Variants in ITPKB observed in about 807,000 individuals in gnomAD.
ITPKB encodes IP3 3-kinase B.
ITPKB carries 13 observed loss-of-function variants against 69.4 expected under a neutral mutation model. The observed-to-expected ratio is 0.19, with a 90% CI of 0.12 to 0.30. The LOEUF (loss-of-function observed/expected upper bound fraction) is 0.30, where lower values mean the gene tolerates loss of function less well. Among genes scored for constraint, ITPKB ranks in the 10% least tolerant of loss-of-function variants. The pLI, the probability that ITPKB is intolerant of heterozygous loss-of-function variation, is 1.00. For missense variants in ITPKB, 1,240 were observed against 1,250.5 expected (o/e 0.99, Z 0.13); for synonymous variants, 584 against 513.7 (o/e 1.14, Z -1.85).
At chr1:226,678,294 A>G (rs932021315) in intron 2 of ITPKB, among the ~76,000 whole-genome samples, 4 of 152,260 alleles carry the variant, frequency 2.6e-5, no homozygotes, top group Admixed American at 6.5e-5. Context: ...AAAACGACAC[A>G]AAATGAAAAC....
chr1:226,650,501 G>A (rs1350966223), intron 2 of ITPKB, among the ~76,000 whole-genome samples: 1 of 152,236 alleles, frequency 6.6e-6, no homozygotes, highest in South Asian at 2.1e-4. Flanking sequence ...CACCCAGAAG[G>A]CTGCATAAAC....
intron 6 of ITPKB, among the ~76,000 whole-genome samples, chr1:226,638,697 C>G (rs1006804250): frequency 1.3e-5 from 2 of 152,146 alleles, no homozygotes; most frequent in African/African-American, 2.4e-5. Context: ...ACAACCCACA[C>G]TCCTGGACTC....
chr1:226,690,265 G>A (rs1656316682), intron 2 of ITPKB, among the ~76,000 whole-genome samples: 1 of 152,180 alleles, frequency 6.6e-6, no homozygotes, highest in Non-Finnish European at 1.5e-5. Flanking sequence ...GGAAGAGAAG[G>A]TGTTTTGAAT....
In ITPKB at chr1:226,736,409, C is replaced by G; in HGVS notation, c.1050G>C (p.Leu350=). Residue 350 remains leucine, a synonymous_variant, in exon 2 of 8, where the codon CTG becomes CTC. Coordinates refer to ENST00000429204, the MANE Select transcript of ITPKB (RefSeq NM_002221.4). The part of the protein sequence containing the change: ...EALVERQGQF[L]GSETSPAPER... ...CTGGGGCTGGGCTTGTCTCACTGCC[C>G]AGAAACTGCCCCTGCCTCTCCACCA... The G allele has an allele frequency of 1.2e-6, 2 of 1,612,584 alleles. No homozygotes were observed. Among genetic ancestry groups the G allele is most frequent in the Non-Finnish European group, 1.7e-6 (2 of 1,180,004 alleles).
chr1:226,698,007 C>T (rs1656536727), intron 2 of ITPKB, among the ~76,000 whole-genome samples: 1 of 152,192 alleles, frequency 6.6e-6, no homozygotes, highest in Admixed American at 6.5e-5. Flanking sequence ...GACACTCCCC[C>T]CGGGGCAGAA....
At position 226,736,095 on chromosome 1, in the gene ITPKB, C is replaced by A; in HGVS notation, c.1364G>T (p.Gly455Val). The change falls in exon 2 of 8, where the codon GGC becomes GTC. Residue 455 changes from glycine to valine, a missense_variant. Physicochemically the swap from Gly to Val is moderately radical, Grantham distance 109. This residue lies in a region of ITPKB where 992 missense variants were observed against 853.8 expected (regional missense o/e 1.16). Transcript: ENST00000429204. ...GGTCCCCGGCTGTGCTGAGGGGCTG[C>A]CCCCAAGCAAGCCCAGCGTTGGGGA... is the stretch of plus-strand genomic sequence containing the variant. ...GGSPTLGLLGGSPSAQPGTGN... is the reference protein window; with the variant it reads ...GGSPTLGLLGVSPSAQPGTGN... 1 of 1,608,048 alleles carries A rather than the reference C, an allele frequency of 6.2e-7. No homozygotes were observed.
rs544552038 is a variant in ITPKB, at chr1:226,670,568, C to T, written c.1933-21797G>A. Among the ~76,000 whole-genome samples, 6 of 152,202 alleles carry T rather than the reference C, an allele frequency of 3.9e-5. No homozygotes were observed. In the South Asian group the frequency reaches 8.3e-4, roughly 21 times the overall value. ...TTAACTATCAGGGTTAAGAAAGAAA[C>T]GTGGAAAATGTTGCTATAAGATTAA... On this transcript the variant is annotated intron_variant, in intron 2 of 7. Transcript: ENST00000429204.
At chr1:226,673,409 T>C (rs1170435690) in intron 2 of ITPKB, among the ~76,000 whole-genome samples, 1 of 152,150 alleles carries the variant, frequency 6.6e-6, no homozygotes, top group African/African-American at 2.4e-5. Flanking sequence ...CTGGAGAAAC[T>C]GTGAAGGTAT....
At chr1:226,707,106 A>C in intron 2 of ITPKB, 1 of 828,788 alleles carries the variant, frequency 1.2e-6, no homozygotes, top group South Asian at 5.5e-5. Context: ...GCAATTAAGA[A>C]CAATTTCACA....
intron 2 of ITPKB, among the ~76,000 whole-genome samples, chr1:226,682,328 T>G (rs555955217): frequency 6.6e-6 from 1 of 152,268 alleles, no homozygotes; most frequent in Non-Finnish European, 1.5e-5. Context: ...TAAATAACAT[T>G]CAGCAGGTCA....
intron 2 of ITPKB, chr1:226,675,176 G>A (rs538938403): frequency 6.6e-6 from 1 of 151,462 alleles, no homozygotes; most frequent in South Asian, 2.1e-4. Context: ...TTGTCAGAAG[G>A]GGATACTCTG....
intron 2 of ITPKB, among the ~76,000 whole-genome samples, chr1:226,700,450 G>A (rs946457405): frequency 2.8e-5 from 3 of 106,022 alleles, no homozygotes; most frequent in South Asian, 3.3e-4. Context: ...GCCTGGCAAC[G>A]GAGCAAGACT....
chr1:226,736,567 C>A lies in ITPKB; in HGVS notation c.892G>T (p.Ala298Ser). The A allele has an allele frequency of 6.2e-7, 1 of 1,614,028 alleles. No homozygotes were observed. The change falls in exon 2 of 8, where the codon GCT becomes TCT. Residue 298 changes from alanine to serine, a missense_variant. By Grantham distance (99) the Ala-to-Ser change is moderately conservative. Around this residue, in one of 2 missense-constraint regions of ITPKB, gnomAD observed 992 missense variants for 853.8 expected, o/e 1.16. Coordinates refer to ENST00000429204, the MANE Select transcript of ITPKB (RefSeq NM_002221.4). ...CLAPSLGLFG[A>S]SLTMATEVAA... is the part of the protein sequence containing the mutation. Reference sequence around the variant, plus strand: ...ACTTCCGTGGCCATCGTTAAGCTAGCTCCGAACAGCCCCAATGAGGGAGCT... The same window carrying A: ...ACTTCCGTGGCCATCGTTAAGCTAGATCCGAACAGCCCCAATGAGGGAGCT...
intron 2 of ITPKB, among the ~76,000 whole-genome samples, chr1:226,716,297 G>A (rs1474045667): frequency 6.6e-6 from 1 of 152,184 alleles, no homozygotes; most frequent in Non-Finnish European, 1.5e-5. Flanking sequence ...GTCAAAAATT[G>A]CTCTACCCAG....
intron 2 of ITPKB, among the ~76,000 whole-genome samples, chr1:226,673,788 C>T (rs926263751): frequency 1.3e-5 from 2 of 152,216 alleles, no homozygotes; most frequent in Admixed American, 6.5e-5. Context: ...ACAAGACAAG[C>T]TTGTTTCCCA....
intron 2 of ITPKB, 114 bp downstream of exon 2, chr1:226,735,413 C>A: frequency 8.2e-7 from 1 of 1,213,794 alleles, no homozygotes. Flanking sequence ...TGTCCCAGGG[C>A]CCTGGTCTGA....
At chr1:226,658,430 T>C (rs1295840194) in intron 2 of ITPKB, among the ~76,000 whole-genome samples, 1 of 152,100 alleles carries the variant, frequency 6.6e-6, no homozygotes, top group East Asian at 1.9e-4. Flanking sequence ...AAAAAGGAGC[T>C]GGGAGGGAAG....
At chr1:226,698,185 C>T (rs961865384) in intron 2 of ITPKB, among the ~76,000 whole-genome samples, 4 of 152,210 alleles carry the variant, frequency 2.6e-5, no homozygotes, top group African/African-American at 9.6e-5. Context: ...TCTTTTGTTT[C>T]CACAGCACCT....
At chr1:226,639,071 T>TC (rs1558299092) in intron 6 of ITPKB, among the ~76,000 whole-genome samples, 22 of 148,840 alleles carry the variant, frequency 1.5e-4, no homozygotes, top group South Asian at 1.1e-3. Flanking sequence ...TTTTTTTTTT[T>TC]TCCCAGACAG....
Sources: gnomAD v4.1 joint callset for allele counts (sites outside exome capture counted in the v4.1 genomes callset) on GRCh38, gnomAD v4.1.1 for gene constraint, gnomAD v4.1.1 regional missense constraint, MANE v1.5 for transcripts, NCBI Gene and HGNC (gene_info 2026-07-23, HGNC 2026-07-21) for gene names.